The following AFF1 variants were observed in gnomAD, a reference collection of about 807,000 sequenced individuals.
AFF1 encodes the protein AF4/FMR2 family member 1.
A neutral mutation model predicts 121.7 loss-of-function variants in AFF1; 48 were observed. The ratio of observed to expected loss-of-function variants is 0.39; its 90% CI spans 0.31 to 0.50. The LOEUF is 0.50. AFF1 is among the 20% of genes least tolerant of loss of function. The pLI is 0.76. For synonymous variants in AFF1, 613 were observed against 563.0 expected, an observed-to-expected ratio of 1.09 and a Z score of -1.26; for missense variants, 1,523 against 1,511.7, an observed-to-expected ratio of 1.01 and a Z score of -0.12.
chr4:87,131,925 A>T (rs750100469), intron 18 of AFF1, 61 bp downstream of exon 18: 11 of 1,366,488 alleles, frequency 8.0e-6, no homozygotes, highest in Non-Finnish European at 9.8e-6. Flanking sequence ...TGATGTTACA[A>T]AAAGATTCTG....
chr4:87,124,740 CT>C (rs1462351482), intron 12 of AFF1, among the ~76,000 whole-genome samples: 1 of 152,194 alleles, frequency 6.6e-6, no homozygotes, highest in Admixed American at 6.5e-5. Flanking sequence ...TTGAAGTCTA[CT>C]TACTGGCATT....
intron 2 of AFF1, among the ~76,000 whole-genome samples, chr4:86,952,409 G>A (rs1405602752): frequency 6.6e-6 from 1 of 152,144 alleles, no homozygotes; most frequent in African/African-American, 2.4e-5. Context: ...AAAAGGTTTA[G>A]TTACTGATGT....
intron 1 of AFF1, chr4:86,936,139 G>A (rs928322291): frequency 1.3e-5 from 2 of 152,228 alleles, no homozygotes; most frequent in African/African-American, 4.8e-5. Flanking sequence ...TGGCTTTGGA[G>A]GTGGAGATGT....
chr4:87,004,463 TAAA>T (rs1021413910), intron 2 of AFF1, among the ~76,000 whole-genome samples: 4 of 152,150 alleles, frequency 2.6e-5, no homozygotes. Flanking sequence ...TTTCCAAAAT[TAAA>T]AAAATTATTG....
chr4:86,973,768 T>A (rs927592208), intron 2 of AFF1: 2 of 152,210 alleles, frequency 1.3e-5, no homozygotes, highest in Non-Finnish European at 2.9e-5. Context: ...TTTTTTCTTT[T>A]CTTCCTTTCT....
rs980807281 is a variant in AFF1, at chr4:87,076,504, G to A, written c.1060-7616G>A. 6.6e-5 allele frequency among the ~76,000 whole-genome samples: 10 copies of A among 152,298 alleles called. No homozygotes were observed. In the East Asian group the frequency reaches 1.7e-3, roughly 26 times the overall value. On this transcript the variant is annotated intron_variant, in intron 4 of 20. Coordinates refer to ENST00000395146, the MANE Select transcript of AFF1 (RefSeq NM_001166693.3). ...GATATCTGGGATTAGATGAAGTGTA[G>A]CTAATAATTCTTAAGGGAGGATTTA...
At chr4:86,956,050 T>C (rs980787284) in intron 2 of AFF1, among the ~76,000 whole-genome samples, 3 of 152,254 alleles carry the variant, frequency 2.0e-5, no homozygotes, top group Non-Finnish European at 4.4e-5. Context: ...CTGTAGGCCA[T>C]GTTTTCCTGA....
chr4:87,122,240 C>T (rs1031172567), intron 12 of AFF1, among the ~76,000 whole-genome samples: 1 of 152,232 alleles, frequency 6.6e-6, no homozygotes, highest in African/African-American at 2.4e-5. Context: ...CACTACAGTT[C>T]ACTGGGCCGT....
At chr4:86,945,461 A>G (rs1720789117) in intron 1 of AFF1, among the ~76,000 whole-genome samples, 1 of 144,194 alleles carries the variant, frequency 6.9e-6, no homozygotes. Flanking sequence ...AGTAGCTGGG[A>G]CCACAGACAT....
chr4:86,951,534 A>C (rs1721305581), intron 2 of AFF1, among the ~76,000 whole-genome samples: 1 of 151,996 alleles, frequency 6.6e-6, no homozygotes, highest in South Asian at 2.1e-4. Context: ...AGTTAACTTG[A>C]ATATATATTG....
At chr4:87,040,591 A>C (rs1350952130) in intron 2 of AFF1, among the ~76,000 whole-genome samples, 4 of 146,764 alleles carry the variant, frequency 2.7e-5, no homozygotes, top group Non-Finnish European at 6.0e-5. Flanking sequence ...ATTGAGACAG[A>C]CTTTGACACT....
chr4:87,036,315 A>G (rs1334842002), intron 2 of AFF1, among the ~76,000 whole-genome samples: 4 of 152,182 alleles, frequency 2.6e-5, no homozygotes, highest in Non-Finnish European at 5.9e-5. Context: ...TGTCAGTAAC[A>G]TCAATACGCT....
chr4:87,134,806 GT>G, intron 20 of AFF1, 112 bp downstream of exon 20: 3 of 946,378 alleles, frequency 3.2e-6, no homozygotes, highest in Non-Finnish European at 4.6e-6. Context: ...ATGTGTAGCT[GT>G]TTTACTTTAA....
chr4:87,114,470 G>A lies in AFF1; in HGVS notation c.1637G>A (p.Arg546Gln), dbSNP rs1387115005. The part of the protein sequence containing the change: ...PEGPRSTEPP[R>Q]RHPESKGSSD... ...GGCCCCAGGAGCACAGAGCCCCCAC[G>A]GCGGCACCCAGAGAGTAAGGGCAGC... Residue 546 changes from arginine to glutamine, a missense_variant, in exon 12 of 21, where the codon CGG (arginine) becomes CAG (glutamine). Arg to Gln is a conservative substitution (Grantham distance 43). Around this residue, in one of 5 missense-constraint regions of AFF1, gnomAD observed 905 missense variants for 842.5 expected, o/e 1.07. Transcript: ENST00000395146. The A allele has an allele frequency of 9.9e-6, 16 of 1,613,622 alleles. No individual in the cohort carries two copies. The highest frequency in any genetic ancestry group is 1.2e-5 in the Non-Finnish European group (14 of 1,179,984).
At chr4:86,968,782 C>T (rs1303919183) in intron 2 of AFF1, among the ~76,000 whole-genome samples, 1 of 152,192 alleles carries the variant, frequency 6.6e-6, no homozygotes, top group Non-Finnish European at 1.5e-5. Flanking sequence ...GGGGACCCTT[C>T]TTGGATATCT....
At chr4:87,100,287 A>G (rs1725296793) in intron 8 of AFF1, among the ~76,000 whole-genome samples, 1 of 152,072 alleles carries the variant, frequency 6.6e-6, no homozygotes, top group African/African-American at 2.4e-5. Context: ...AAGCATATTA[A>G]CATTCCTGCC....
chr4:87,044,920 C>T (rs1356844048), intron 2 of AFF1, among the ~76,000 whole-genome samples: 1 of 152,038 alleles, frequency 6.6e-6, no homozygotes, highest in Non-Finnish European at 1.5e-5. Flanking sequence ...AATGCCAAAG[C>T]AAGAATTTAG....
intron 2 of AFF1, among the ~76,000 whole-genome samples, chr4:86,997,694 A>G (rs1044287311): frequency 1.1e-4 from 16 of 151,658 alleles, no homozygotes. Flanking sequence ...CCTTGGGGGC[A>G]GAGCTTGCAG....
rs1233004388 is a variant in AFF1, at chr4:87,138,857, ATATGTAGCTATTTCCCT to A, written c.*3159_*3175del. The stretch of plus-strand genomic sequence containing the variant: ...CTTCATATTATCTGTTTTGACCAAA[ATATGTAGCTATTTCCCT>A]TACACAGATTGGACCGCACTTATCT... On this transcript the variant is annotated 3_prime_UTR_variant, in exon 21 of 21. Coordinates refer to ENST00000395146, the MANE Select transcript of AFF1 (RefSeq NM_001166693.3). 4.4e-6 allele frequency: 1 copy of A among 229,234 alleles called. No individual in the cohort carries two copies. Among genetic ancestry groups the A allele is most frequent in the African/African-American group, 2.2e-5 (1 of 45,132 alleles). The allele number at this position is 229,234 out of a possible 1,614,324, so 14.2% of individuals were successfully genotyped here. A position where few individuals can be genotyped will look rare whatever the true frequency, so the allele number is the denominator to read the frequency against.
Sources: allele counts gnomAD v4.1 joint callset (sites outside exome capture counted in the v4.1 genomes callset), GRCh38; gene constraint gnomAD v4.1.1; regional missense constraint gnomAD v4.1.1; transcripts MANE v1.5; gene names NCBI Gene and HGNC (gene_info 2026-07-23, HGNC 2026-07-21).